Variants in CCDC146 observed in about 807,000 individuals in gnomAD.
CCDC146 encodes coiled-coil domain containing 146, also known as coiled-coil domain-containing protein 146.
CCDC146 carries 92 observed loss-of-function variants against 119.3 expected under a neutral mutation model. That is an observed-to-expected ratio of 0.77 (90% confidence interval 0.65 to 0.92). The LOEUF is 0.92. Among genes scored for constraint, CCDC146 ranks in the 40% least tolerant of loss-of-function variants. The pLI, the probability that CCDC146 is intolerant of heterozygous loss-of-function variation, is 0.00. For synonymous variants in CCDC146, 372 were observed against 371.8 expected (o/e 1.00, Z -0.01); for missense variants, 1,000 against 1,103.0 (o/e 0.91, Z 1.32).
At chr7:77,188,538 T>C (rs1260509745) in intron 2 of CCDC146, among the ~76,000 whole-genome samples, 1 of 152,208 alleles carries the variant, frequency 6.6e-6, no homozygotes, top group Non-Finnish European at 1.5e-5. Context: ...TATATGCATA[T>C]GTGTATCTAC....
chr7:77,263,927 C>G (rs1793351504), intron 9 of CCDC146, among the ~76,000 whole-genome samples: 1 of 151,596 alleles, frequency 6.6e-6, no homozygotes, highest in Non-Finnish European at 1.5e-5. Flanking sequence ...CCATCTCAAA[C>G]AAAAAAAGGA....
At chr7:77,225,031 G>T (rs892907799) in intron 2 of CCDC146, among the ~76,000 whole-genome samples, 1 of 152,112 alleles carries the variant, frequency 6.6e-6, no homozygotes, top group African/African-American at 2.4e-5. Flanking sequence ...TGCCCAAGAT[G>T]GATTTTGTCT....
chr7:77,233,783 C>G (rs550091486), intron 2 of CCDC146, among the ~76,000 whole-genome samples: 119 of 152,316 alleles, frequency 7.8e-4, no homozygotes, highest in African/African-American at 2.6e-3. Flanking sequence ...GCTGTGCAGC[C>G]CAGTTCCTAA....
intron 17 of CCDC146, among the ~76,000 whole-genome samples, chr7:77,290,799 G>A (rs906942664): frequency 5.9e-5 from 9 of 152,146 alleles, no homozygotes; most frequent in Admixed American, 5.9e-4. Context: ...ATAATAATCA[G>A]TTATTACATT....
intron 1 of CCDC146, among the ~76,000 whole-genome samples, chr7:77,125,212 T>C (rs1251694573): frequency 6.6e-6 from 1 of 151,670 alleles, no homozygotes; most frequent in Non-Finnish European, 1.5e-5. Context: ...AAATGTTAAA[T>C]GCTCCCAAAT....
At chr7:77,144,691 T>A (rs1439975205) in intron 1 of CCDC146, among the ~76,000 whole-genome samples, 1 of 151,892 alleles carries the variant, frequency 6.6e-6, no homozygotes. Flanking sequence ...GTTTTTGTCA[T>A]TGGTTCTGTT....
At chr7:77,152,472 T>C (rs1791120851) in intron 1 of CCDC146, among the ~76,000 whole-genome samples, 1 of 152,206 alleles carries the variant, frequency 6.6e-6, no homozygotes, top group African/African-American at 2.4e-5. Flanking sequence ...TTTGTAGACA[T>C]GGGAGAGGGA....
At chr7:77,173,570 A>C (rs1791458596) in intron 2 of CCDC146, among the ~76,000 whole-genome samples, 1 of 152,242 alleles carries the variant, frequency 6.6e-6, no homozygotes. Context: ...CAGAGGTTGC[A>C]GTGAGCCCAG....
intron 2 of CCDC146, among the ~76,000 whole-genome samples, chr7:77,191,228 G>A (rs1056547316): frequency 2.0e-5 from 3 of 152,092 alleles, no homozygotes; most frequent in Non-Finnish European, 4.4e-5. Flanking sequence ...TTTTAACGTC[G>A]CTGTTTCTGA....
chr7:77,201,274 G>T (rs1037389597), intron 2 of CCDC146, among the ~76,000 whole-genome samples: 1 of 152,076 alleles, frequency 6.6e-6, no homozygotes, highest in Non-Finnish European at 1.5e-5. Flanking sequence ...GGGCGTGGTG[G>T]CTCACGCCTG....
At chr7:77,184,864 AT>A (rs1791639816) in intron 2 of CCDC146, among the ~76,000 whole-genome samples, 1 of 152,196 alleles carries the variant, frequency 6.6e-6, no homozygotes, top group African/African-American at 2.4e-5. Context: ...AATTGTTTTG[AT>A]AAAATACAGA....
intron 1 of CCDC146, among the ~76,000 whole-genome samples, chr7:77,150,657 T>G (rs1484058902): frequency 6.6e-6 from 1 of 152,140 alleles, no homozygotes; most frequent in Non-Finnish European, 1.5e-5. Flanking sequence ...CTGTTTCCTA[T>G]AAAATTAAAT....
At chr7:77,234,971 T>G (rs1792706433) in intron 2 of CCDC146, among the ~76,000 whole-genome samples, 1 of 152,142 alleles carries the variant, frequency 6.6e-6, no homozygotes, top group Non-Finnish European at 1.5e-5. Flanking sequence ...GGTTTCATAA[T>G]GCATTTAACA....
intron 4 of CCDC146, among the ~76,000 whole-genome samples, chr7:77,248,745 G>A (rs963219628): frequency 4.6e-5 from 7 of 152,110 alleles, no homozygotes; most frequent in African/African-American, 1.2e-4. Flanking sequence ...CAATTATATC[G>A]AACTCATTTT....
chr7:77,192,847 C>T (rs1482097556), intron 2 of CCDC146, among the ~76,000 whole-genome samples: 1 of 151,958 alleles, frequency 6.6e-6, no homozygotes, highest in Non-Finnish European at 1.5e-5. Context: ...GGCGTGAACC[C>T]AGGAGGCAGA....
At position 77,278,966 on chromosome 7, in the gene CCDC146, C is replaced by T; in HGVS notation, c.1559C>T (p.Thr520Ile). Residue 520 changes from threonine to isoleucine, a missense_variant, in exon 13 of 19, where the codon ACC (threonine) becomes ATC (isoleucine). Around this residue, in one of 2 missense-constraint regions of CCDC146, gnomAD observed 985 missense variants for 1,045.3 expected, o/e 0.94. Transcript: ENST00000285871. ...AGAGAGTTTGCTAAACTGTATGACA[C>T]CATTCGAAATGAAAGAAACAAATTT... is the stretch of plus-strand genomic sequence containing the variant. ...RLREFAKLYD[T>I]IRNERNKFVN... is the part of the protein sequence containing the mutation. The T allele has an allele frequency of 6.2e-7, 1 of 1,611,388 alleles. No individual in the cohort carries two copies. Among genetic ancestry groups the T allele is most frequent in the Non-Finnish European group, 8.5e-7 (1 of 1,179,262 alleles).
At chr7:77,247,348 CAGAAAT>C (rs1448887365) in intron 4 of CCDC146, among the ~76,000 whole-genome samples, 3 of 151,864 alleles carry the variant, frequency 2.0e-5, no homozygotes, top group Non-Finnish European at 4.4e-5. Context: ...TTTTGAAACT[CAGAAAT>C]ACTCAGGTTG....
chr7:77,170,266 G>A (rs34084249), intron 2 of CCDC146, among the ~76,000 whole-genome samples: 1 of 152,142 alleles, frequency 6.6e-6, no homozygotes, highest in African/African-American at 2.4e-5. Flanking sequence ...ACTCAGGATT[G>A]TGGTCTCCAG....
At chr7:77,251,019 G>A (rs1322549911) in intron 4 of CCDC146, among the ~76,000 whole-genome samples, 7 of 138,110 alleles carry the variant, frequency 5.1e-5, no homozygotes, top group Non-Finnish European at 1.1e-4. Flanking sequence ...GTGTGTGTGT[G>A]TGTGTGTTTG....
Sources: allele counts gnomAD v4.1 joint callset (sites outside exome capture counted in the v4.1 genomes callset), GRCh38; gene constraint gnomAD v4.1.1; regional missense constraint gnomAD v4.1.1; transcripts MANE v1.5; gene names NCBI Gene and HGNC (gene_info 2026-07-23, HGNC 2026-07-21).